Variants in NRXN3 observed in about 807,000 individuals in gnomAD.
The protein encoded by NRXN3 is neurexin 3.
A neutral mutation model predicts 137.6 loss-of-function variants in NRXN3; 32 were observed. The ratio of observed to expected loss-of-function variants is 0.23; its 90% CI spans 0.18 to 0.31. The LOEUF is 0.31. Among genes scored for constraint, NRXN3 ranks in the 10% least tolerant of loss-of-function variants. The pLI, the probability that NRXN3 is intolerant of heterozygous loss-of-function variation, is 1.00. For missense variants in NRXN3, 1,574 were observed against 2,062.5 expected (o/e 0.76, Z 4.59); for synonymous variants, 798 against 784.5 (o/e 1.02, Z -0.29).
At chr14:78,871,988 G>A (rs1385396666) in intron 10 of NRXN3, among the ~76,000 whole-genome samples, 3 of 151,762 alleles carry the variant, frequency 2.0e-5, no homozygotes, top group Non-Finnish European at 4.4e-5. Flanking sequence ...AGCTTACAAG[G>A]AAACAATAAA....
chr14:79,213,585 C>A (rs911779957), intron 15 of NRXN3, among the ~76,000 whole-genome samples: 1 of 151,400 alleles, frequency 6.6e-6, no homozygotes, highest in African/African-American at 2.4e-5. Context: ...CAGAGCTTTC[C>A]TGATGGGCCC....
intron 4 of NRXN3, chr14:78,614,987 G>A (rs1370274122): frequency 6.6e-6 from 3 of 456,620 alleles, no homozygotes; most frequent in Non-Finnish European, 8.8e-6. Context: ...GAAGAACAGA[G>A]CCTAAATGCA....
chr14:78,482,825 G>A (rs978947067), intron 4 of NRXN3, among the ~76,000 whole-genome samples: 1 of 152,164 alleles, frequency 6.6e-6, no homozygotes, highest in Non-Finnish European at 1.5e-5. Flanking sequence ...TAATTAGTCA[G>A]CATTACCCCC....
chr14:79,125,112 T>A (rs2056167230), intron 15 of NRXN3, among the ~76,000 whole-genome samples: 1 of 151,632 alleles, frequency 6.6e-6, no homozygotes, highest in East Asian at 1.9e-4. Context: ...CTTAAACTAT[T>A]ACAAATACAC....
chr14:78,555,904 AG>A (rs1230292529), intron 4 of NRXN3, among the ~76,000 whole-genome samples: 20 of 152,314 alleles, frequency 1.3e-4, no homozygotes, highest in African/African-American at 4.6e-4. Flanking sequence ...TCAGATTCAA[AG>A]GTTGTCTTTT....
intron 4 of NRXN3, among the ~76,000 whole-genome samples, chr14:78,627,763 G>C (rs898499589): frequency 6.6e-6 from 1 of 152,210 alleles, no homozygotes; most frequent in Non-Finnish European, 1.5e-5. Context: ...CTTGTAAAAA[G>C]AAGTAGAAAA....
intron 3 of NRXN3, among the ~76,000 whole-genome samples, chr14:78,284,314 C>T (rs942241374): frequency 2.0e-5 from 3 of 151,818 alleles, no homozygotes; most frequent in Non-Finnish European, 4.4e-5. Context: ...GCCCCCTCCT[C>T]TCTTCTTGCC....
chr14:78,773,647 A>G (rs768119879), intron 8 of NRXN3, among the ~76,000 whole-genome samples: 3 of 152,104 alleles, frequency 2.0e-5, no homozygotes, highest in Non-Finnish European at 4.4e-5. Flanking sequence ...TCCAGCTCAT[A>G]TGCTGCTGCT....
At chr14:78,808,049 A>C (rs1026279631) in intron 9 of NRXN3, among the ~76,000 whole-genome samples, 1 of 152,094 alleles carries the variant, frequency 6.6e-6, no homozygotes, top group Non-Finnish European at 1.5e-5. Flanking sequence ...ACACACACAC[A>C]TATTTATACA....
chr14:78,746,299 C>G (rs200137990), intron 8 of NRXN3, among the ~76,000 whole-genome samples: 1 of 152,260 alleles, frequency 6.6e-6, no homozygotes, highest in East Asian at 1.9e-4. Flanking sequence ...TCAGAGCTGC[C>G]ACAGCATTCT....
At chr14:79,073,171 G>A (rs1056320369) in intron 15 of NRXN3, among the ~76,000 whole-genome samples, 3 of 152,218 alleles carry the variant, frequency 2.0e-5, no homozygotes, top group Non-Finnish European at 4.4e-5. Flanking sequence ...ACAGGCATGA[G>A]CCACCGCGCC....
intron 19 of NRXN3, among the ~76,000 whole-genome samples, chr14:79,774,349 T>C (rs1418628488): frequency 6.6e-6 from 1 of 152,152 alleles, no homozygotes; most frequent in Non-Finnish European, 1.5e-5. Flanking sequence ...AAGTCAATGG[T>C]AATATCATCC....
At chr14:79,224,117 A>G (rs78113665) in intron 15 of NRXN3, among the ~76,000 whole-genome samples, 4,195 of 152,218 alleles carry the variant, frequency 0.028, 139 homozygotes, top group South Asian at 0.085. Flanking sequence ...GCCCTTTTCA[A>G]TTCTTGGGAA....
At chr14:78,532,326 GA>G (rs1381991248) in intron 4 of NRXN3, among the ~76,000 whole-genome samples, 88 of 94,600 alleles carry the variant, frequency 9.3e-4, no homozygotes, top group East Asian at 2.6e-3. Context: ...CATCTCAAAA[GA>G]AAAAAAAAAA....
intron 20 of NRXN3, chr14:79,823,820 C>A: frequency 2.8e-6 from 1 of 362,218 alleles, no homozygotes; most frequent in Non-Finnish European, 6.1e-6. Context: ...TGGAGGAATT[C>A]AAAGATGATG....
chr14:79,479,827 T>A (rs1365907453), intron 16 of NRXN3, among the ~76,000 whole-genome samples: 1 of 152,132 alleles, frequency 6.6e-6, no homozygotes, highest in Non-Finnish European at 1.5e-5. Context: ...GAGACTAATC[T>A]GAGGTTTTGA....
chr14:79,017,241 G>A (rs374447306), intron 15 of NRXN3, among the ~76,000 whole-genome samples: 1 of 137,754 alleles, frequency 7.3e-6, no homozygotes, highest in African/African-American at 2.7e-5. Context: ...GGCTGTGTGT[G>A]CCCATCTACC....
intron 15 of NRXN3, among the ~76,000 whole-genome samples, chr14:79,407,243 A>G (rs186037652): frequency 7.2e-5 from 11 of 152,118 alleles, no homozygotes; most frequent in Admixed American, 1.3e-4. Context: ...CTTTACTTTC[A>G]TGTGTGTGTT....
chr14:79,372,222 CT>C (rs763635202), intron 15 of NRXN3, among the ~76,000 whole-genome samples: 6 of 152,084 alleles, frequency 3.9e-5, no homozygotes, highest in Non-Finnish European at 7.4e-5. Flanking sequence ...CCATATTAAA[CT>C]TGGAGTTTAT....
Sources: allele counts gnomAD v4.1 joint callset (sites outside exome capture counted in the v4.1 genomes callset), GRCh38; gene constraint gnomAD v4.1.1; transcripts MANE v1.5; gene names NCBI Gene and HGNC (gene_info 2026-07-23, HGNC 2026-07-21).